APBA1: variants seen among roughly 807,000 people sequenced by gnomAD.
The protein encoded by APBA1 is amyloid-beta A4 precursor protein-binding family A member 1.
Under a neutral mutation model 86.6 loss-of-function variants are expected in APBA1, and 55 were observed. The ratio of observed to expected loss-of-function variants is 0.64; its 90% CI spans 0.51 to 0.80. The LOEUF (loss-of-function observed/expected upper bound fraction) is 0.80, where lower values mean the gene tolerates loss of function less well. Ranked by LOEUF, APBA1 falls within the 30% of genes least tolerant of loss-of-function variation. The pLI is 0.00. For missense variants in APBA1, 1,090 were observed against 1,183.0 expected (o/e 0.92, Z 1.15); for synonymous variants, 511 against 493.9 (o/e 1.03, Z -0.46).
intron 2 of APBA1, among the ~76,000 whole-genome samples, chr9:69,482,122 G>T (rs1030327617): frequency 6.6e-6 from 1 of 151,734 alleles, no homozygotes; most frequent in African/African-American, 2.4e-5. Flanking sequence ...TGGACAAATG[G>T]GATCTAATTA....
At chr9:69,619,549 T>C (rs1313763292) in intron 1 of APBA1, among the ~76,000 whole-genome samples, 1 of 152,186 alleles carries the variant, frequency 6.6e-6, no homozygotes, top group East Asian at 1.9e-4. Flanking sequence ...CTCTGCCAAC[T>C]ATCAAGAGCC....
At chr9:69,545,791 C>T (rs1271842236) in intron 1 of APBA1, among the ~76,000 whole-genome samples, 1 of 152,112 alleles carries the variant, frequency 6.6e-6, no homozygotes, top group Admixed American at 6.5e-5. Context: ...CATTTTGGCT[C>T]AGATGTGAAA....
intron 1 of APBA1, among the ~76,000 whole-genome samples, chr9:69,522,224 C>A (rs1458078888): frequency 3.3e-5 from 5 of 151,826 alleles, no homozygotes; most frequent in African/African-American, 9.7e-5. Flanking sequence ...CTTTGATTTT[C>A]TGATGCCAAG....
chr9:69,523,581 A>C (rs535228550), intron 1 of APBA1, among the ~76,000 whole-genome samples: 2 of 148,028 alleles, frequency 1.4e-5, no homozygotes, highest in East Asian at 3.9e-4. Flanking sequence ...CAGATTCATA[A>C]AACAAGTTCT....
intron 11 of APBA1, among the ~76,000 whole-genome samples, chr9:69,433,394 C>T (rs1834639069): frequency 2.0e-5 from 3 of 152,196 alleles, no homozygotes. Context: ...CCAGACCATG[C>T]ACCTTTATTT....
At chr9:69,629,187 C>T (rs945846982) in intron 1 of APBA1, among the ~76,000 whole-genome samples, 1 of 152,160 alleles carries the variant, frequency 6.6e-6, no homozygotes, top group Admixed American at 6.6e-5. Context: ...TTCCATCAAT[C>T]TTCTCCTTAA....
chr9:69,543,287 C>A (rs941185779), intron 1 of APBA1, among the ~76,000 whole-genome samples: 21 of 151,114 alleles, frequency 1.4e-4, no homozygotes, highest in South Asian at 8.6e-4. Context: ...CCCCCCCCCC[C>A]CCCCGGCCTG....
intron 1 of APBA1, among the ~76,000 whole-genome samples, chr9:69,604,453 A>C (rs552259571): frequency 1.9e-4 from 28 of 143,832 alleles, no homozygotes; most frequent in African/African-American, 6.8e-4. Context: ...GAGGCAAATG[A>C]GTGCGGGCAC....
At chr9:69,594,550 G>A (rs926599522) in intron 1 of APBA1, among the ~76,000 whole-genome samples, 1 of 152,134 alleles carries the variant, frequency 6.6e-6, no homozygotes, top group Non-Finnish European at 1.5e-5. Context: ...ATAAGATTTG[G>A]ATGACATTAT....
chr9:69,442,531 A>T (rs71503669), intron 10 of APBA1, among the ~76,000 whole-genome samples: 1,758 of 152,240 alleles, frequency 0.012, 20 homozygotes, highest in Non-Finnish European at 0.02. Flanking sequence ...GGGAATGAGG[A>T]GGGACTCAGG....
chr9:69,431,882 A>G (rs1834603151), intron 12 of APBA1, among the ~76,000 whole-genome samples: 3 of 152,162 alleles, frequency 2.0e-5, no homozygotes, highest in Admixed American at 2.0e-4. Context: ...TGATAAATCA[A>G]TGACAGCAGT....
chr9:69,447,579 C>T (rs946553811), intron 10 of APBA1, among the ~76,000 whole-genome samples: 1 of 152,154 alleles, frequency 6.6e-6, no homozygotes, highest in Non-Finnish European at 1.5e-5. Flanking sequence ...GAAGATCACC[C>T]CTGGCTGAGA....
At chr9:69,637,580 T>C (rs6559662) in intron 1 of APBA1, among the ~76,000 whole-genome samples, 137,596 of 152,174 alleles carry the variant, frequency 0.9, 62,946 homozygotes, top group East Asian at 1. Flanking sequence ...AACCATTGGC[T>C]CAAATAGGTA....
At chr9:69,656,170 T>C (rs1404354122) in intron 1 of APBA1, among the ~76,000 whole-genome samples, 1 of 152,204 alleles carries the variant, frequency 6.6e-6, no homozygotes, top group Admixed American at 6.5e-5. Flanking sequence ...TAAACTGCTG[T>C]TGGGAGTATA....
chr9:69,436,019 C>G (rs1380084781), intron 11 of APBA1, among the ~76,000 whole-genome samples: 1 of 151,594 alleles, frequency 6.6e-6, no homozygotes, highest in Non-Finnish European at 1.5e-5. Context: ...TTCCCAGCAC[C>G]ATTTATTAAA....
intron 1 of APBA1, among the ~76,000 whole-genome samples, chr9:69,639,249 T>A (rs1339148118): frequency 2.6e-5 from 4 of 152,204 alleles, no homozygotes; most frequent in Non-Finnish European, 5.9e-5. Flanking sequence ...GGAGTTGTAA[T>A]CCTGTTGTAC....
At chr9:69,598,450 T>TA (rs534725245) in intron 1 of APBA1, among the ~76,000 whole-genome samples, 13,036 of 144,796 alleles carry the variant, frequency 0.09, 865 homozygotes, top group African/African-American at 0.19. Flanking sequence ...GTAAAAAAAT[T>TA]AAAAAAAAAA....
At position 69,430,682 on chromosome 9, in the gene APBA1, C is replaced by G. The variant is rs1834574556; in HGVS notation, c.*645G>C. ...AAGCTCTCTGTGACACTATGGTGTC[C>G]TTGCCCAAGGCAGTTATTTCCCCTT... On this transcript the variant is annotated 3_prime_UTR_variant, in exon 13 of 13. Transcript: ENST00000265381. 2 of 152,466 alleles carry G rather than the reference C, an allele frequency of 1.3e-5. No individual in the cohort carries two copies. Among genetic ancestry groups the G allele is most frequent in the South Asian group, 4.1e-4 (2 of 4,824 alleles). The allele number at this position is 152,466 out of a possible 1,614,324, so 9.4% of individuals were successfully genotyped here. A position where few individuals can be genotyped will look rare whatever the true frequency, so the allele number is the denominator to read the frequency against.
chr9:69,569,471 G>A (rs113791714), intron 1 of APBA1, among the ~76,000 whole-genome samples: 1 of 151,906 alleles, frequency 6.6e-6, no homozygotes, highest in African/African-American at 2.4e-5. Context: ...GTGTGTGTGT[G>A]TGTGTGTGTG....
Sources: allele counts gnomAD v4.1 joint callset (sites outside exome capture counted in the v4.1 genomes callset), GRCh38; gene constraint gnomAD v4.1.1; transcripts MANE v1.5; gene names NCBI Gene and HGNC (gene_info 2026-07-23, HGNC 2026-07-21).